Variants in EBF1 observed in about 807,000 individuals in gnomAD.
The protein encoded by EBF1 is EBF transcription factor 1.
In EBF1, 10 loss-of-function variants were observed where a neutral mutation model predicts 68.4. The observed-to-expected ratio is 0.15, with a 90% CI of 0.09 to 0.25. The LOEUF (loss-of-function observed/expected upper bound fraction) is 0.25, where lower values mean the gene tolerates loss of function less well. Ranked by LOEUF, EBF1 falls within the 10% of genes least tolerant of loss-of-function variation. The pLI is 1.00. For synonymous variants in EBF1, 298 were observed against 299.8 expected (o/e 0.99, Z 0.06); for missense variants, 509 against 794.4 (o/e 0.64, Z 4.32).
chr5:159,073,480 G>A lies in EBF1; in HGVS notation c.486-16C>T, dbSNP rs372523384. 7 of 1,613,858 alleles carry A rather than the reference G, an allele frequency of 4.3e-6. No individual in the cohort carries two copies. The highest frequency in any genetic ancestry group is 2.2e-5 in the South Asian group (2 of 91,034). The stretch of plus-strand genomic sequence containing the variant: ...ACAACAGCGGCTATGGAGCAAAAGC[G>A]AAAGGATTTAGTACAACCATTACAA... On this transcript the variant is annotated splice_polypyrimidine_tract_variant and intron_variant, in intron 5 of 15. Coordinates refer to ENST00000313708, the MANE Select transcript of EBF1 (RefSeq NM_024007.5).
intron 10 of EBF1, among the ~76,000 whole-genome samples, chr5:158,752,128 CAAAT>C (rs1769036017): frequency 6.6e-6 from 1 of 151,944 alleles, no homozygotes; most frequent in African/African-American, 2.4e-5. Context: ...AATGAAAACA[CAAAT>C]GAATGACTTC....
intron 9 of EBF1, among the ~76,000 whole-genome samples, chr5:158,783,772 G>A (rs1204168091): frequency 6.6e-6 from 1 of 152,174 alleles, no homozygotes; most frequent in African/African-American, 2.4e-5. Flanking sequence ...GGTTGAATGG[G>A]GCCTCTCCTT....
At chr5:159,077,173 A>C (rs1014858338) in intron 5 of EBF1, among the ~76,000 whole-genome samples, 2 of 152,210 alleles carry the variant, frequency 1.3e-5, no homozygotes, top group Non-Finnish European at 2.9e-5. Flanking sequence ...GGTGGATTAC[A>C]CCTATAATCC....
At chr5:158,721,775 C>A (rs912130916) in intron 11 of EBF1, among the ~76,000 whole-genome samples, 17 of 152,162 alleles carry the variant, frequency 1.1e-4, no homozygotes, top group Admixed American at 2.0e-4. Context: ...GCAAGGGGAT[C>A]TCATAAAAGA....
At chr5:158,732,619 A>G (rs1214521057) in intron 10 of EBF1, among the ~76,000 whole-genome samples, 6 of 152,172 alleles carry the variant, frequency 3.9e-5, no homozygotes, top group African/African-American at 9.6e-5. Flanking sequence ...TAAAGTGGCC[A>G]GAAATCCATT....
intron 6 of EBF1, among the ~76,000 whole-genome samples, chr5:159,031,123 G>A (rs1484561893): frequency 3.3e-5 from 5 of 152,188 alleles, no homozygotes; most frequent in Non-Finnish European, 1.5e-5. Flanking sequence ...GTGGTGAGCT[G>A]AGATCATGCC....
chr5:159,014,924 C>A (rs72813921), intron 6 of EBF1, among the ~76,000 whole-genome samples: 12,787 of 152,202 alleles, frequency 0.084, 738 homozygotes, highest in Non-Finnish European at 0.12. Context: ...TAGAGGGAAC[C>A]TGGCTGGAGG....
chr5:158,993,442 G>T (rs970055005), intron 6 of EBF1, among the ~76,000 whole-genome samples: 1 of 152,078 alleles, frequency 6.6e-6, no homozygotes, highest in African/African-American at 2.4e-5. Flanking sequence ...GATTATCAAG[G>T]GGGAAAAGTT....
At chr5:158,729,560 G>A (rs957381297) in intron 11 of EBF1, among the ~76,000 whole-genome samples, 1 of 152,062 alleles carries the variant, frequency 6.6e-6, no homozygotes, top group Admixed American at 6.5e-5. Context: ...GGAACCTAAT[G>A]GTAAATCTCT....
rs777669529 is a variant in EBF1, at chr5:158,713,034, G to A, written c.1305C>T (p.Gly435=). The change falls in exon 13 of 16, where the codon GGC becomes GGT. Residue 435 remains glycine, a synonymous_variant. Coordinates refer to ENST00000313708, the MANE Select transcript of EBF1 (RefSeq NM_024007.5). ...ANTSVHAGMM[G]VNSFSGQLAV... ...CCAGTTGTCCACTGAACGAATTCAC[G>A]CCCATCATCCCTGCGTGGACCGAGG... is the stretch of plus-strand genomic sequence containing the variant. The A allele has an allele frequency of 1.8e-5, 29 of 1,581,048 alleles. No individual in the cohort carries two copies. Among genetic ancestry groups the A allele is most frequent in the Non-Finnish European group, 1.7e-5 (20 of 1,160,952 alleles).
chr5:158,859,463 T>C (rs10475662), intron 6 of EBF1, among the ~76,000 whole-genome samples: 1,775 of 152,280 alleles, frequency 0.012, 37 homozygotes, highest in African/African-American at 0.041. Context: ...TTCTTACAAT[T>C]CTGAGGTCAT....
intron 6 of EBF1, among the ~76,000 whole-genome samples, chr5:159,070,191 T>C (rs770988024): frequency 3.9e-5 from 6 of 152,190 alleles, no homozygotes; most frequent in Non-Finnish European, 8.8e-5. Context: ...GAGTGCAGGC[T>C]GGGTTATGTG....
intron 6 of EBF1, among the ~76,000 whole-genome samples, chr5:158,959,853 C>T (rs1435155415): frequency 6.6e-5 from 10 of 152,034 alleles, no homozygotes; most frequent in Non-Finnish European, 1.3e-4. Flanking sequence ...ATAATTAAAA[C>T]ACATTATACA....
intron 6 of EBF1, among the ~76,000 whole-genome samples, chr5:158,926,633 A>G (rs1809755368): frequency 6.6e-6 from 1 of 151,960 alleles, no homozygotes. Context: ...CTGAGGCAGA[A>G]GAATCGCTTG....
chr5:158,980,591 G>T (rs1052946962), intron 6 of EBF1, among the ~76,000 whole-genome samples: 1 of 152,130 alleles, frequency 6.6e-6, no homozygotes, highest in Non-Finnish European at 1.5e-5. Context: ...TCAACCCCCC[G>T]CAAGCTGTTT....
At chr5:159,096,543 A>G (rs1252393577) in intron 2 of EBF1, 137 bp from the exon 3 acceptor site, 18 of 867,872 alleles carry the variant, frequency 2.1e-5, no homozygotes, top group Non-Finnish European at 3.3e-5. Flanking sequence ...AGCAGCAGAA[A>G]TTGTGGCCAA....
At chr5:159,047,037 C>T (rs779128372) in intron 6 of EBF1, among the ~76,000 whole-genome samples, 2 of 152,144 alleles carry the variant, frequency 1.3e-5, no homozygotes, top group Non-Finnish European at 2.9e-5. Context: ...TACTGCGTAC[C>T]GAGTGTCTGG....
chr5:158,781,252 T>A (rs1428741689), intron 9 of EBF1, among the ~76,000 whole-genome samples: 1 of 152,236 alleles, frequency 6.6e-6, no homozygotes, highest in Non-Finnish European at 1.5e-5. Context: ...TATAAAGAAG[T>A]ATTTTCCAGA....
At chr5:158,749,271 T>C (rs1421896919) in intron 10 of EBF1, among the ~76,000 whole-genome samples, 1 of 152,198 alleles carries the variant, frequency 6.6e-6, no homozygotes, top group Non-Finnish European at 1.5e-5. Context: ...ACTTGGATCC[T>C]ATCAAAAACA....
Sources: allele counts gnomAD v4.1 joint callset (sites outside exome capture counted in the v4.1 genomes callset), GRCh38; gene constraint gnomAD v4.1.1; transcripts MANE v1.5; gene names NCBI Gene and HGNC (gene_info 2026-07-23, HGNC 2026-07-21).